PKIA: variants seen among roughly 807,000 people sequenced by gnomAD.
PKIA encodes the protein cAMP-dependent protein kinase inhibitor alpha.
A neutral mutation model predicts 7.6 loss-of-function variants in PKIA; 4 were observed. The observed-to-expected ratio is 0.52, with a 90% CI of 0.26 to 1.20. PKIA has a LOEUF of 1.20. Among genes scored for constraint, PKIA ranks in the 50% most tolerant of loss-of-function variants. The pLI is 0.13. For synonymous variants in PKIA, 21 were observed against 30.7 expected, an observed-to-expected ratio of 0.68 and a Z score of 1.04; for missense variants, 73 against 86.2, an observed-to-expected ratio of 0.85 and a Z score of 0.61.
chr8:78,551,241 G>A (rs989400127), intron 1 of PKIA, among the ~76,000 whole-genome samples: 4 of 152,066 alleles, frequency 2.6e-5, no homozygotes, highest in Non-Finnish European at 5.9e-5. Context: ...ACATGTTCCT[G>A]GAGGTATGAA....
intron 2 of PKIA, among the ~76,000 whole-genome samples, chr8:78,590,646 A>AT (rs536599170): frequency 0.086 from 12,615 of 146,962 alleles, 530 homozygotes; most frequent in African/African-American, 0.11. Flanking sequence ...ACTTGTCACT[A>AT]TTTTTTTTTT....
At chr8:78,567,934 A>T (rs925511230) in intron 1 of PKIA, among the ~76,000 whole-genome samples, 2 of 151,978 alleles carry the variant, frequency 1.3e-5, no homozygotes, top group African/African-American at 4.8e-5. Flanking sequence ...CACTTCCTTA[A>T]TTTCTCACAC....
chr8:78,542,433 C>A (rs951924063), intron 1 of PKIA, among the ~76,000 whole-genome samples: 3 of 152,102 alleles, frequency 2.0e-5, no homozygotes, highest in African/African-American at 7.2e-5. Flanking sequence ...AAAATTCAAA[C>A]TTCTAAACTC....
At chr8:78,599,394 G>A (rs904267302) in intron 3 of PKIA, among the ~76,000 whole-genome samples, 3 of 151,908 alleles carry the variant, frequency 2.0e-5, no homozygotes, top group Non-Finnish European at 2.9e-5. Context: ...ATATGTCTTC[G>A]CTGTTAGAAT....
At position 78,601,624 on chromosome 8, in the gene PKIA, T is replaced by C. The variant is rs963660299; in HGVS notation, c.152-118T>C. On this transcript the variant is annotated intron_variant, in intron 3 of 3. Coordinates refer to ENST00000396418, the MANE Select transcript of PKIA (RefSeq NM_006823.4). ...CTACCAAGAAAATATACTTGTTCCT[T>C]CAAGGTTTCAGGCCTATTTAGTATT... is the stretch of plus-strand genomic sequence containing the variant. 9.3e-6 allele frequency: 7 copies of C among 750,554 alleles called. No individual in the cohort carries two copies. In the African/African-American group the frequency reaches 1.2e-4, roughly 13 times the overall value. 46.5% of individuals were successfully genotyped at this position (750,554 alleles called of 1,614,324 possible). A position where few individuals can be genotyped will look rare whatever the true frequency, so the allele number is the denominator to read the frequency against.
At chr8:78,587,184 AG>A (rs1321568477) in intron 2 of PKIA, among the ~76,000 whole-genome samples, 2 of 152,298 alleles carry the variant, frequency 1.3e-5, no homozygotes, top group Admixed American at 6.5e-5. Flanking sequence ...TTAACATAGG[AG>A]GGCAAGTCAT....
At chr8:78,575,803 T>C (rs879697670) in intron 2 of PKIA, among the ~76,000 whole-genome samples, 1 of 152,054 alleles carries the variant, frequency 6.6e-6, no homozygotes, top group Non-Finnish European at 1.5e-5. Flanking sequence ...ATCTAGTTAG[T>C]ATAAAACCTC....
intron 2 of PKIA, among the ~76,000 whole-genome samples, chr8:78,583,867 T>C (rs1807881133): frequency 6.6e-6 from 1 of 152,086 alleles, no homozygotes; most frequent in Non-Finnish European, 1.5e-5. Context: ...CACCAAAATC[T>C]GATTTTTCAA....
At chr8:78,586,050 ACT>A (rs1305563149) in intron 2 of PKIA, among the ~76,000 whole-genome samples, 1 of 151,604 alleles carries the variant, frequency 6.6e-6, no homozygotes, top group Non-Finnish European at 1.5e-5. Flanking sequence ...CTAATATCTG[ACT>A]CTCCTATTTC....
At chr8:78,557,201 G>A (rs1412823820) in intron 1 of PKIA, among the ~76,000 whole-genome samples, 7 of 152,080 alleles carry the variant, frequency 4.6e-5, no homozygotes, top group Non-Finnish European at 1.0e-4. Flanking sequence ...CACATTTTGA[G>A]GGCATTAAAA....
At chr8:78,536,632 A>AG (rs1806530240) in intron 1 of PKIA, among the ~76,000 whole-genome samples, 1 of 152,110 alleles carries the variant, frequency 6.6e-6, no homozygotes. Flanking sequence ...CAATTGCATG[A>AG]GAATTATTAC....
chr8:78,575,810 C>G (rs1418953038), intron 2 of PKIA, among the ~76,000 whole-genome samples: 1 of 151,950 alleles, frequency 6.6e-6, no homozygotes, highest in Non-Finnish European at 1.5e-5. Flanking sequence ...TAGTATAAAA[C>G]CTCAATTGGT....
chr8:78,580,726 T>C lies in PKIA; in HGVS notation c.-28+7787T>C, dbSNP rs538239983. On this transcript the variant is annotated intron_variant, in intron 2 of 3. Transcript: ENST00000396418. Reference sequence around the variant, plus strand: ...AATAATTTGTTAAAATACAGGGAGATTGATCTAATAAGTGCGAATATTAAA... The same window carrying C: ...AATAATTTGTTAAAATACAGGGAGACTGATCTAATAAGTGCGAATATTAAA... 9.9e-5 allele frequency among the ~76,000 whole-genome samples: 15 copies of C among 152,068 alleles called. No homozygotes were observed. The South Asian group carries it at 1.0e-3, about 11-fold the overall frequency.
intron 1 of PKIA, among the ~76,000 whole-genome samples, chr8:78,528,158 GAAAAATACT>G (rs1299250489): frequency 6.6e-6 from 1 of 152,012 alleles, no homozygotes; most frequent in African/African-American, 2.4e-5. Context: ...GGACATAGGC[GAAAAATACT>G]AAAATTTGTT....
chr8:78,601,893 T>C lies in PKIA; in HGVS notation c.*72T>C. ...CAGGAGTATCTGGAATGCATTTGTT[T>C]CCATGAGTGAAAAGAGGAAAAAGAA... On this transcript the variant is annotated 3_prime_UTR_variant, in exon 4 of 4. Transcript: ENST00000396418. The C allele has an allele frequency of 1.7e-6, 2 of 1,176,924 alleles. No individual in the cohort carries two copies. The highest frequency in any genetic ancestry group is 2.5e-6 in the Non-Finnish European group (2 of 797,318). 72.9% of individuals were successfully genotyped at this position (1,176,924 alleles called of 1,614,324 possible). A position where few individuals can be genotyped will look rare whatever the true frequency, so the allele number is the denominator to read the frequency against.
chr8:78,586,641 T>C (rs753118779), intron 2 of PKIA, among the ~76,000 whole-genome samples: 7 of 152,164 alleles, frequency 4.6e-5, no homozygotes, highest in Admixed American at 2.0e-4. Context: ...AAAACCCAGA[T>C]ACTGTTGAGA....
chr8:78,524,055 TAAAC>T (rs1563565658), intron 1 of PKIA, among the ~76,000 whole-genome samples: 1 of 126,450 alleles, frequency 7.9e-6, no homozygotes, highest in East Asian at 2.0e-4. Context: ...TAAATATATA[TAAAC>T]ATTTATATTT....
At chr8:78,556,690 T>C (rs1305731659) in intron 1 of PKIA, 1 of 151,936 alleles carries the variant, frequency 6.6e-6, no homozygotes, top group Non-Finnish European at 1.5e-5. Context: ...CTGAACTTTG[T>C]TTGAGTTTTA....
Position 78,605,022 on chromosome 8 carries a change from GC to G in PKIA, c.*3203del, listed in dbSNP as rs1399281910. 6.6e-6 allele frequency: 1 copy of G among 151,950 alleles called. No individual in the cohort carries two copies. The highest frequency in any genetic ancestry group is 1.5e-5 in the Non-Finnish European group (1 of 67,942). The allele number at this position is 151,950 out of a possible 1,614,324, so 9.4% of individuals were successfully genotyped here. Reference sequence around the variant, plus strand: ...CAATAATGGATAAAGAAATGTAACTGCCGGGCAGCAAAGCTTCTAAGTGAAA... The same window carrying G: ...CAATAATGGATAAAGAAATGTAACTGCGGGCAGCAAAGCTTCTAAGTGAAA... On this transcript the variant is annotated 3_prime_UTR_variant, in exon 4 of 4. Transcript: ENST00000396418.
Sources: allele counts gnomAD v4.1 joint callset (sites outside exome capture counted in the v4.1 genomes callset), GRCh38; gene constraint gnomAD v4.1.1; transcripts MANE v1.5; gene names NCBI Gene and HGNC (gene_info 2026-07-23, HGNC 2026-07-21).